NRG3: variants seen among roughly 807,000 people sequenced by gnomAD.
The protein encoded by NRG3 is pro-neuregulin-3, membrane-bound isoform.
Under a neutral mutation model 66.9 loss-of-function variants are expected in NRG3, and 31 were observed. The observed-to-expected ratio is 0.46, with a 90% CI of 0.35 to 0.63. The LOEUF (loss-of-function observed/expected upper bound fraction) is 0.63. NRG3 is among the 20% of genes least tolerant of loss of function. NRG3 has a pLI of 0.00. For missense variants in NRG3, 910 were observed against 878.9 expected, an observed-to-expected ratio of 1.04 and a Z score of -0.45; for synonymous variants, 393 against 359.4, an observed-to-expected ratio of 1.09 and a Z score of -1.06.
At chr10:81,963,176 C>A (rs1409896478) in intron 1 of NRG3, among the ~76,000 whole-genome samples, 1 of 129,334 alleles carries the variant, frequency 7.7e-6, no homozygotes, top group African/African-American at 3.1e-5. Flanking sequence ...CTCTGTCGCC[C>A]AGGCTGGAGT....
intron 4 of NRG3, among the ~76,000 whole-genome samples, chr10:82,879,745 G>T (rs1375101290): frequency 6.6e-6 from 1 of 151,920 alleles, no homozygotes; most frequent in African/African-American, 2.4e-5. Flanking sequence ...CAAAGTGCTG[G>T]GATTACAGGT....
intron 1 of NRG3, among the ~76,000 whole-genome samples, chr10:82,102,659 G>C (rs2066832572): frequency 6.6e-6 from 1 of 151,770 alleles, no homozygotes; most frequent in Admixed American, 6.6e-5. Context: ...CACAGTATGT[G>C]TAGGTGTTTA....
At chr10:82,875,762 G>A (rs1163920929) in intron 4 of NRG3, among the ~76,000 whole-genome samples, 1 of 152,178 alleles carries the variant, frequency 6.6e-6, no homozygotes, top group African/African-American at 2.4e-5. Context: ...TTTTAACAAA[G>A]TTATCTTTAT....
chr10:82,796,435 G>A (rs1034701415), intron 3 of NRG3, among the ~76,000 whole-genome samples: 2 of 152,124 alleles, frequency 1.3e-5, no homozygotes, highest in Non-Finnish European at 2.9e-5. Flanking sequence ...AAGTGCTGCA[G>A]CCCTCTGGAC....
chr10:82,030,650 C>T (rs1226554832), intron 1 of NRG3, among the ~76,000 whole-genome samples: 1 of 150,744 alleles, frequency 6.6e-6, no homozygotes, highest in Admixed American at 6.6e-5. Context: ...TTTTCCATTT[C>T]GTTTTCCTTT....
rs1842245356 is a variant in NRG3, at chr10:82,481,283, C to T, written c.953+122415C>T. On this transcript the variant is annotated intron_variant, in intron 2 of 8. Coordinates refer to ENST00000372141, the MANE Select transcript of NRG3 (RefSeq NM_001010848.4). ...TAAAGCCTCTAATGGCCTTAGTTGC[C>T]AAATCCATGACATTTCTTCAGCCAT... 2.0e-5 allele frequency among the ~76,000 whole-genome samples: 3 copies of T among 152,162 alleles called. No individual in the cohort carries two copies. The South Asian group carries it at 6.2e-4, about 32-fold the overall frequency.
At chr10:82,075,967 G>A in intron 1 of NRG3, among the ~76,000 whole-genome samples, 1 of 145,476 alleles carries the variant, frequency 6.9e-6, no homozygotes, top group East Asian at 2.0e-4. Context: ...AAAAAAAAAC[G>A]ATCATTTAAA....
At chr10:82,464,336 C>T (rs544350551) in intron 2 of NRG3, among the ~76,000 whole-genome samples, 1 of 152,156 alleles carries the variant, frequency 6.6e-6, no homozygotes, top group Non-Finnish European at 1.5e-5. Context: ...CAATTTCTGA[C>T]ACTAAGTGAT....
chr10:82,509,774 G>T (rs1845003570), intron 2 of NRG3, among the ~76,000 whole-genome samples: 1 of 152,114 alleles, frequency 6.6e-6, no homozygotes, highest in African/African-American at 2.4e-5. Flanking sequence ...TATTTTCAAA[G>T]CCAACAGAAT....
chr10:82,495,495 T>C (rs1010364263), intron 2 of NRG3, among the ~76,000 whole-genome samples: 11 of 152,046 alleles, frequency 7.2e-5, no homozygotes, highest in African/African-American at 2.7e-4. Flanking sequence ...TTTACCCAAC[T>C]AGGTCTCACA....
intron 1 of NRG3, among the ~76,000 whole-genome samples, chr10:81,911,556 G>T (rs953263976): frequency 9.5e-5 from 14 of 148,110 alleles, no homozygotes; most frequent in Non-Finnish European, 1.5e-4. Context: ...GCTGCTGTTT[G>T]ACTGGAGTGT....
chr10:81,913,326 G>A (rs946165735), intron 1 of NRG3, among the ~76,000 whole-genome samples: 2 of 152,114 alleles, frequency 1.3e-5, no homozygotes, highest in Non-Finnish European at 2.9e-5. Flanking sequence ...CTCATGCAGA[G>A]CCAAGTGCTA....
chr10:82,045,535 G>T (rs1186133042), intron 1 of NRG3, among the ~76,000 whole-genome samples: 1 of 44,098 alleles, frequency 2.3e-5, no homozygotes, highest in African/African-American at 5.8e-5. Flanking sequence ...CACTCTGTTG[G>T]TAGTTTCTTT....
intron 1 of NRG3, among the ~76,000 whole-genome samples, chr10:82,221,002 A>G (rs2075913805): frequency 6.6e-6 from 1 of 152,124 alleles, no homozygotes. Context: ...ATAAAACAAC[A>G]GTTGTTCAGG....
chr10:82,309,301 C>G (rs191732387), intron 1 of NRG3, among the ~76,000 whole-genome samples: 1 of 152,220 alleles, frequency 6.6e-6, no homozygotes. Context: ...TTAATTGGTA[C>G]TAGTTTTTAA....
intron 2 of NRG3, among the ~76,000 whole-genome samples, chr10:82,481,853 G>T (rs993248423): frequency 1.3e-5 from 2 of 152,112 alleles, no homozygotes; most frequent in Non-Finnish European, 2.9e-5. Context: ...CAGGCATGGT[G>T]GTGGGTGCCT....
At chr10:82,648,689 T>C (rs1203309847) in intron 2 of NRG3, among the ~76,000 whole-genome samples, 2 of 152,116 alleles carry the variant, frequency 1.3e-5, no homozygotes, top group African/African-American at 4.8e-5. Flanking sequence ...CATTGAGCAG[T>C]GGTTTGTAGT....
chr10:82,526,720 G>A (rs2132600508), intron 2 of NRG3, among the ~76,000 whole-genome samples: 1 of 151,904 alleles, frequency 6.6e-6, no homozygotes, highest in East Asian at 1.9e-4. Context: ...ACAGTTTTAA[G>A]ATATATAAAG....
rs944551068 is a variant in NRG3 at position 82,358,930 on chromosome 10, T to C, written c.953+62T>C. ...CGTTGCAAGGCGTGGGGGTGGAGGG[T>C]GCTGGCAGCATCTGGTATGTGTCAT... is the stretch of plus-strand genomic sequence containing the variant. On this transcript the variant is annotated intron_variant, in intron 2 of 8. Coordinates refer to ENST00000372141, the MANE Select transcript of NRG3 (RefSeq NM_001010848.4). 22 of 1,609,100 alleles carry C rather than the reference T, an allele frequency of 1.4e-5. No homozygotes were observed. In the Admixed American group the frequency reaches 3.5e-4, roughly 26 times the overall value.
Sources: gnomAD v4.1 joint callset for allele counts (sites outside exome capture counted in the v4.1 genomes callset) on GRCh38, gnomAD v4.1.1 for gene constraint, MANE v1.5 for transcripts, NCBI Gene and HGNC (gene_info 2026-07-23, HGNC 2026-07-21) for gene names.